Variants in PTPRM observed in about 807,000 individuals in gnomAD.
PTPRM encodes the protein receptor-type tyrosine-protein phosphatase mu.
PTPRM carries 47 observed loss-of-function variants against 186.7 expected under a neutral mutation model. That is an observed-to-expected ratio of 0.25 (90% CI 0.20 to 0.32). The LOEUF is 0.32. Ranked by LOEUF, PTPRM falls within the 10% of genes least tolerant of loss-of-function variation. The pLI is 1.00. For synonymous variants in PTPRM, 668 were observed against 674.9 expected (o/e 0.99, Z 0.16); for missense variants, 1,494 against 1,865.0 (o/e 0.80, Z 3.66).
At chr18:8,052,394 T>A (rs2087570493) in intron 7 of PTPRM, among the ~76,000 whole-genome samples, 1 of 152,296 alleles carries the variant, frequency 6.6e-6, no homozygotes, top group African/African-American at 2.4e-5. Context: ...ATGTTTTCAC[T>A]GTACCGTTTC....
At chr18:8,376,640 C>A (rs1277064865) in intron 26 of PTPRM, 43 bp downstream of exon 26, 1 of 1,579,340 alleles carries the variant, frequency 6.3e-7, no homozygotes, top group Admixed American at 1.7e-5. Flanking sequence ...GGTCCCTGGG[C>A]TCCCTCCTGC....
At chr18:8,219,496 A>G (rs13381444) in intron 14 of PTPRM, among the ~76,000 whole-genome samples, 83,750 of 151,802 alleles carry the variant, frequency 0.55, 23,727 homozygotes, top group East Asian at 0.77. Context: ...CTGAGTCAAT[A>G]TGAGTAACCG....
intron 11 of PTPRM, among the ~76,000 whole-genome samples, chr18:8,101,832 C>A (rs2091304011): frequency 6.6e-6 from 1 of 152,196 alleles, no homozygotes; most frequent in Admixed American, 6.5e-5. Flanking sequence ...GATCAGAAGA[C>A]ATCTTTCCTC....
chr18:8,355,410 G>C (rs1474421636), intron 23 of PTPRM, among the ~76,000 whole-genome samples: 1 of 152,158 alleles, frequency 6.6e-6, no homozygotes, highest in Admixed American at 6.5e-5. Flanking sequence ...ACAGGACCCT[G>C]GAGGGAAGCT....
chr18:7,865,719 T>C (rs1389774240), intron 2 of PTPRM, among the ~76,000 whole-genome samples: 1 of 152,188 alleles, frequency 6.6e-6, no homozygotes, highest in Non-Finnish European at 1.5e-5. Flanking sequence ...TACGGAGGAT[T>C]CCTTCTTTTT....
At chr18:8,370,189 C>CAAAAAAA (rs11288424) in intron 23 of PTPRM, among the ~76,000 whole-genome samples, 1 of 121,890 alleles carries the variant, frequency 8.2e-6, no homozygotes. Context: ...ACATTCTTAC[C>CAAAAAAA]AAAAAAAAAA....
chr18:8,076,712 G>GA (rs1010681110), intron 9 of PTPRM, 148 bp downstream of exon 9: 66 of 481,456 alleles, frequency 1.4e-4, no homozygotes, highest in Middle Eastern at 5.2e-4. Flanking sequence ...TTATATAGAA[G>GA]AAAATTGTAA....
chr18:8,179,817 T>C (rs1204568800), intron 14 of PTPRM, among the ~76,000 whole-genome samples: 3 of 152,162 alleles, frequency 2.0e-5, no homozygotes, highest in African/African-American at 7.2e-5. Flanking sequence ...AGGACAACAA[T>C]TTACCATACA....
chr18:8,173,198 G>A (rs952973378), intron 14 of PTPRM, among the ~76,000 whole-genome samples: 2 of 152,174 alleles, frequency 1.3e-5, no homozygotes, highest in Non-Finnish European at 2.9e-5. Context: ...GGATGTGTGG[G>A]TAAAGGCTTC....
intron 14 of PTPRM, among the ~76,000 whole-genome samples, chr18:8,158,500 T>C (rs1243956953): frequency 6.6e-6 from 1 of 152,210 alleles, no homozygotes; most frequent in East Asian, 1.9e-4. Context: ...TCCAGTTTTG[T>C]TTTATATTAA....
chr18:8,258,723 A>G (rs949743466), intron 19 of PTPRM, among the ~76,000 whole-genome samples: 1 of 152,176 alleles, frequency 6.6e-6, no homozygotes, highest in Non-Finnish European at 1.5e-5. Context: ...GTTGAAGGCT[A>G]CTTCCAGAGA....
At chr18:8,219,858 T>G (rs997740843) in intron 14 of PTPRM, among the ~76,000 whole-genome samples, 5 of 152,218 alleles carry the variant, frequency 3.3e-5, no homozygotes, top group Non-Finnish European at 7.4e-5. Context: ...GACTTAACCC[T>G]TGCCTTAGGT....
chr18:8,152,853 G>C (rs952113276), intron 14 of PTPRM, among the ~76,000 whole-genome samples: 5 of 151,548 alleles, frequency 3.3e-5, no homozygotes, highest in Non-Finnish European at 5.9e-5. Flanking sequence ...AAGTAGCTGG[G>C]AATATAGGCT....
intron 2 of PTPRM, among the ~76,000 whole-genome samples, chr18:7,816,619 T>A (rs2044840228): frequency 6.6e-6 from 1 of 152,192 alleles, no homozygotes. Flanking sequence ...TTTTACGTCA[T>A]TCCTTTTTCT....
At chr18:7,922,278 C>G (rs2050911558) in intron 4 of PTPRM, among the ~76,000 whole-genome samples, 1 of 152,242 alleles carries the variant, frequency 6.6e-6, no homozygotes, top group Non-Finnish European at 1.5e-5. Context: ...AACAGCCACT[C>G]TGATTTGGCA....
chr18:8,271,460 ATC>A (rs1185572019), intron 19 of PTPRM, among the ~76,000 whole-genome samples: 1 of 151,982 alleles, frequency 6.6e-6, no homozygotes. Context: ...GGCGAGTCTA[ATC>A]TGTTAGTTAT....
At chr18:7,856,123 G>A (rs2047081546) in intron 2 of PTPRM, among the ~76,000 whole-genome samples, 1 of 152,054 alleles carries the variant, frequency 6.6e-6, no homozygotes, top group Non-Finnish European at 1.5e-5. Context: ...TTTGTAATTA[G>A]TGAAGTTAAT....
intron 27 of PTPRM, 144 bp downstream of exon 27, chr18:8,378,558 G>A (rs913192012): frequency 9.9e-7 from 1 of 1,008,088 alleles, no homozygotes; most frequent in Non-Finnish European, 1.4e-6. Flanking sequence ...GTAACCCAGA[G>A]CTCTACCCAG....
chr18:8,319,806 AT>A (rs546393020), intron 22 of PTPRM, among the ~76,000 whole-genome samples: 228 of 152,334 alleles, frequency 1.5e-3, no homozygotes, highest in African/African-American at 5.2e-3. Context: ...GAGAAACATC[AT>A]GAGCAAAGAT....
Sources: allele counts gnomAD v4.1 joint callset (sites outside exome capture counted in the v4.1 genomes callset), GRCh38; gene constraint gnomAD v4.1.1; transcripts MANE v1.5; gene names NCBI Gene and HGNC (gene_info 2026-07-23, HGNC 2026-07-21).